Variants in PCYT1B observed in about 807,000 individuals in gnomAD.
PCYT1B encodes the protein phosphate cytidylyltransferase 1B, choline, also known as choline-phosphate cytidylyltransferase B.
PCYT1B carries 10 observed loss-of-function variants against 26.4 expected under a neutral mutation model. The ratio of observed to expected loss-of-function variants is 0.38; its 90% CI spans 0.23 to 0.64. PCYT1B has a LOEUF of 0.64. Ranked by LOEUF, PCYT1B falls within the 30% of genes least tolerant of loss-of-function variation. The pLI is 0.56. For missense variants in PCYT1B, 161 were observed against 292.7 expected, an observed-to-expected ratio of 0.55 and a Z score of 3.28; for synonymous variants, 131 against 108.4, an observed-to-expected ratio of 1.21 and a Z score of -1.29.
chrX:24,667,841 T>A (rs1358152429), intron 1 of PCYT1B, among the ~76,000 whole-genome samples: 2 of 112,439 alleles, frequency 1.8e-5, no homozygotes, highest in Non-Finnish European at 3.8e-5. Flanking sequence ...AAATAAGGAC[T>A]AAATATTTAA....
intron 1 of PCYT1B, among the ~76,000 whole-genome samples, chrX:24,625,893 C>A (rs1006251664): frequency 9.3e-6 from 1 of 107,887 alleles, no homozygotes; most frequent in African/African-American, 3.4e-5. Context: ...GCAGGTGGAT[C>A]GCCTGAGGTC....
chrX:24,598,684 C>T (rs1924866462), intron 3 of PCYT1B, among the ~76,000 whole-genome samples: 2 of 112,265 alleles, frequency 1.8e-5, no homozygotes, highest in African/African-American at 3.2e-5. Context: ...ATTAGATCTA[C>T]ATCATTTTAA....
intron 1 of PCYT1B, among the ~76,000 whole-genome samples, chrX:24,620,606 C>T (rs905417499): frequency 8.9e-6 from 1 of 112,307 alleles, no homozygotes; most frequent in African/African-American, 3.2e-5. Flanking sequence ...TCTGTATCCA[C>T]AAACCCCGGG....
intron 3 of PCYT1B, among the ~76,000 whole-genome samples, chrX:24,591,902 G>A (rs1407825548): frequency 1.8e-5 from 2 of 111,248 alleles, no homozygotes; most frequent in African/African-American, 6.5e-5. Flanking sequence ...ATTTCTTTGT[G>A]GTAAGAACAT....
At position 24,561,360 on chromosome X, in the gene PCYT1B, G is replaced by C. The variant is rs780298120; in HGVS notation, c.*933C>G. ...GTAGCACCCCCTATTGGTATACTAT[G>C]TTTGATACCTCAAACTGTTACTTGA... is the stretch of plus-strand genomic sequence containing the variant. On this transcript the variant is annotated 3_prime_UTR_variant, in exon 8 of 8. Transcript: ENST00000379144. The C allele has an allele frequency of 8.9e-6, 1 of 112,128 alleles. No homozygotes were observed. The highest frequency in any genetic ancestry group is 3.7e-4 in the South Asian group (1 of 2,676). 9.2% of individuals were successfully genotyped at this position (112,128 alleles called of 1,213,427 possible).
chrX:24,589,699 T>C (rs1224539350), intron 4 of PCYT1B, among the ~76,000 whole-genome samples: 1 of 111,784 alleles, frequency 8.9e-6, no homozygotes, highest in Admixed American at 9.6e-5. Context: ...ACAAGGAAGA[T>C]ACCAACATCA....
intron 1 of PCYT1B, among the ~76,000 whole-genome samples, chrX:24,619,378 C>T (rs1235657495): frequency 1.3e-4 from 15 of 111,710 alleles, no homozygotes; most frequent in Admixed American, 1.2e-3. Context: ...TCGCAGCACC[C>T]CGTGATGAAT....
intron 3 of PCYT1B, among the ~76,000 whole-genome samples, chrX:24,595,882 AAG>A (rs1924761626): frequency 9.6e-6 from 1 of 104,657 alleles, no homozygotes; most frequent in Non-Finnish European, 1.9e-5. Flanking sequence ...CCCTGTCTCA[AAG>A]AAAAAAAAAA....
At chrX:24,588,961 T>C (rs1467292558) in intron 4 of PCYT1B, among the ~76,000 whole-genome samples, 1 of 111,472 alleles carries the variant, frequency 9.0e-6, no homozygotes, top group Non-Finnish European at 1.9e-5. Context: ...TCCTCTCCAA[T>C]GTATAATAAC....
chrX:24,662,787 G>C (rs765882723), intron 1 of PCYT1B, among the ~76,000 whole-genome samples: 5 of 112,166 alleles, frequency 4.5e-5, no homozygotes, highest in African/African-American at 1.6e-4. Context: ...AATGGGAGTC[G>C]AGGTTATCCG....
chrX:24,584,391 C>G (rs1924302990), intron 5 of PCYT1B, among the ~76,000 whole-genome samples: 1 of 112,441 alleles, frequency 8.9e-6, no homozygotes, highest in African/African-American at 3.2e-5. Context: ...TGTAACCCAT[C>G]TTGATGTAAC....
intron 5 of PCYT1B, among the ~76,000 whole-genome samples, chrX:24,580,780 G>A (rs933279562): frequency 3.6e-5 from 4 of 111,607 alleles, no homozygotes; most frequent in African/African-American, 3.2e-5. Flanking sequence ...CTCAGTCAGA[G>A]GCATCAGGCA....
intron 3 of PCYT1B, among the ~76,000 whole-genome samples, chrX:24,595,142 G>T (rs767665826): frequency 9.2e-6 from 1 of 109,040 alleles, no homozygotes; most frequent in African/African-American, 3.3e-5. Flanking sequence ...AGGTATGAGG[G>T]CCCCGTGGTA....
At chrX:24,602,438 T>A (rs1924997306) in intron 3 of PCYT1B, among the ~76,000 whole-genome samples, 1 of 111,751 alleles carries the variant, frequency 8.9e-6, no homozygotes, top group Non-Finnish European at 1.9e-5. Context: ...ACAATGTACA[T>A]CTATGAGTTT....
At position 24,597,008 on chromosome X, in the gene PCYT1B, T is replaced by G. The variant is rs777083311; in HGVS notation, c.335-6834A>C. 3.7e-4 allele frequency among the ~76,000 whole-genome samples: 42 copies of G among 112,085 alleles called. No individual in the cohort carries two copies. In the South Asian group the frequency reaches 0.012, roughly 31 times the overall value. On this transcript the variant is annotated intron_variant, in intron 3 of 7. Coordinates refer to ENST00000379144, the MANE Select transcript of PCYT1B (RefSeq NM_004845.5). The stretch of plus-strand genomic sequence containing the variant: ...CTCCCTAACTTTCCTCAGTATAGAA[T>G]TGTCTGCCATTAAGTTGGTTGGTTT...
At chrX:24,665,786 C>T (rs181606610) in intron 1 of PCYT1B, among the ~76,000 whole-genome samples, 14 of 110,660 alleles carry the variant, frequency 1.3e-4, no homozygotes, top group Admixed American at 1.2e-3. Context: ...TCATTTGCCA[C>T]CCTAAGGTAA....
At chrX:24,570,207 A>C (rs1410036792) in intron 7 of PCYT1B, among the ~76,000 whole-genome samples, 4 of 108,066 alleles carry the variant, frequency 3.7e-5, no homozygotes, top group African/African-American at 1.3e-4. Context: ...AAAAAAAAAA[A>C]GGTTAAAATG....
chrX:24,666,275 T>G (rs1927125273), intron 1 of PCYT1B, among the ~76,000 whole-genome samples: 1 of 111,127 alleles, frequency 9.0e-6, no homozygotes, highest in Non-Finnish European at 1.9e-5. Flanking sequence ...TACAGACATT[T>G]ACTAAGCATG....
At chrX:24,585,018 C>T (rs773443773) in intron 5 of PCYT1B, among the ~76,000 whole-genome samples, 5 of 111,614 alleles carry the variant, frequency 4.5e-5, no homozygotes, top group Non-Finnish European at 9.4e-5. Context: ...TGACTATAAG[C>T]CCTGGAGTGT....
Sources: gnomAD v4.1 joint callset for allele counts (sites outside exome capture counted in the v4.1 genomes callset) on GRCh38, gnomAD v4.1.1 for gene constraint, MANE v1.5 for transcripts, NCBI Gene and HGNC (gene_info 2026-07-23, HGNC 2026-07-21) for gene names.